Variants in ZNF804B observed in about 807,000 individuals in gnomAD.
ZNF804B encodes zinc finger 804B.
Under a neutral mutation model 101.4 loss-of-function variants are expected in ZNF804B, and 80 were observed. That is an observed-to-expected ratio of 0.79 (90% confidence interval 0.66 to 0.95). ZNF804B has a LOEUF of 0.95. Among genes scored for constraint, ZNF804B ranks in the 40% least tolerant of loss-of-function variants. The probability of loss-of-function intolerance (pLI) is 0.00; values close to 1 mark genes in which losing one functional copy is unlikely to be tolerated. For synonymous variants in ZNF804B, 622 were observed against 558.8 expected, an observed-to-expected ratio of 1.11 and a Z score of -1.59; for missense variants, 1,673 against 1,561.9, an observed-to-expected ratio of 1.07 and a Z score of -1.20.
chr7:89,013,529 G>T (rs528713732), intron 1 of ZNF804B, among the ~76,000 whole-genome samples: 27 of 152,190 alleles, frequency 1.8e-4, no homozygotes, highest in African/African-American at 6.5e-4. Flanking sequence ...CATAATAATT[G>T]TGCATATTTA....
chr7:88,775,776 T>C (rs985230660), intron 1 of ZNF804B, among the ~76,000 whole-genome samples: 1 of 152,218 alleles, frequency 6.6e-6, no homozygotes, highest in African/African-American at 2.4e-5. Flanking sequence ...CACTGAAATA[T>C]GAGCCCTTTC....
intron 2 of ZNF804B, among the ~76,000 whole-genome samples, chr7:89,235,551 G>A (rs1789267566): frequency 6.6e-6 from 1 of 152,144 alleles, no homozygotes. Context: ...AATAACTAAT[G>A]TGTGTTAAAT....
At chr7:89,261,246 GT>G (rs1362878802) in intron 2 of ZNF804B, among the ~76,000 whole-genome samples, 1 of 152,046 alleles carries the variant, frequency 6.6e-6, no homozygotes, top group Admixed American at 6.5e-5. Context: ...GTATGTATAA[GT>G]TTTGATAAAT....
intron 1 of ZNF804B, among the ~76,000 whole-genome samples, chr7:89,204,812 C>T (rs1416889230): frequency 6.6e-6 from 1 of 152,076 alleles, no homozygotes; most frequent in Non-Finnish European, 1.5e-5. Context: ...ATATAGTCTG[C>T]TAATTAGAAA....
intron 1 of ZNF804B, among the ~76,000 whole-genome samples, chr7:89,030,450 T>A (rs1427489823): frequency 6.6e-6 from 1 of 152,166 alleles, no homozygotes; most frequent in Non-Finnish European, 1.5e-5. Context: ...AATTAATATG[T>A]ATGCTTGATC....
chr7:89,019,661 A>G (rs900764817), intron 1 of ZNF804B, among the ~76,000 whole-genome samples: 12 of 151,954 alleles, frequency 7.9e-5, no homozygotes, highest in Non-Finnish European at 1.8e-4. Context: ...GGACCCTCCA[A>G]TGTTAGATAC....
chr7:89,087,533 C>T (rs1265509468), intron 1 of ZNF804B, among the ~76,000 whole-genome samples: 1 of 151,794 alleles, frequency 6.6e-6, no homozygotes, highest in East Asian at 1.9e-4. Context: ...TATGCAAGTG[C>T]TTTGCAAATT....
intron 1 of ZNF804B, among the ~76,000 whole-genome samples, chr7:89,206,108 G>T (rs1584053300): frequency 6.6e-6 from 1 of 152,324 alleles, no homozygotes; most frequent in East Asian, 1.9e-4. Flanking sequence ...TTTAGCCATG[G>T]CTGGAGCAGC....
intron 1 of ZNF804B, among the ~76,000 whole-genome samples, chr7:88,898,893 GT>G (rs1234168559): frequency 6.6e-6 from 1 of 152,092 alleles, no homozygotes; most frequent in Non-Finnish European, 1.5e-5. Context: ...CTCAGCCATT[GT>G]TTCCTAGAAC....
intron 1 of ZNF804B, among the ~76,000 whole-genome samples, chr7:88,978,719 A>G (rs1793653216): frequency 6.6e-6 from 1 of 151,578 alleles, no homozygotes; most frequent in Non-Finnish European, 1.5e-5. Context: ...AATATTAAGT[A>G]AAGACTTACT....
chr7:88,985,822 A>T (rs562564827), intron 1 of ZNF804B, among the ~76,000 whole-genome samples: 1 of 152,224 alleles, frequency 6.6e-6, no homozygotes, highest in South Asian at 2.1e-4. Context: ...CCTGTTGATC[A>T]TTCCTCATTA....
chr7:89,276,020 G>C (rs1310159491), intron 2 of ZNF804B, among the ~76,000 whole-genome samples: 1 of 151,836 alleles, frequency 6.6e-6, no homozygotes, highest in Non-Finnish European at 1.5e-5. Context: ...TCTTTGCAGG[G>C]ACACGAATGG....
intron 2 of ZNF804B, among the ~76,000 whole-genome samples, chr7:89,318,994 G>A (rs1790773535): frequency 6.6e-6 from 1 of 152,108 alleles, no homozygotes; most frequent in Non-Finnish European, 1.5e-5. Flanking sequence ...CGAAGGGATG[G>A]GCCGACTTAA....
In ZNF804B at chr7:88,856,173, A is replaced by T. The variant is rs866429859; in HGVS notation, c.108+96089A>T. On this transcript the variant is annotated intron_variant, in intron 1 of 3. Coordinates refer to ENST00000333190, the MANE Select transcript of ZNF804B (RefSeq NM_181646.5). ...ATTGGTAGCTTGATGGGGGATGGCA[A>T]TGAATCTGTAAATTACCTTGGGCAG... 1.1e-4 allele frequency among the ~76,000 whole-genome samples: 16 copies of T among 152,220 alleles called. 1 individual carries two copies. In the South Asian group the frequency reaches 1.5e-3, roughly 14 times the overall value.
Position 89,076,998 on chromosome 7 carries a change from A to G in ZNF804B, c.109-141157A>G, listed in dbSNP as rs77882136. Among the ~76,000 whole-genome samples the G allele has an allele frequency of 5.4e-3, 821 of 152,294 alleles. 4 individuals are homozygous for G. Among genetic ancestry groups the G allele is most frequent in the Non-Finnish European group, 9.8e-3 (664 of 68,018 alleles). ...AGAATGGCGCTGTCTAATGGCTTCAATATTCGGTGACATAATCTGCAGGGT... is the reference window on the plus strand; with the variant it reads ...AGAATGGCGCTGTCTAATGGCTTCAGTATTCGGTGACATAATCTGCAGGGT... On this transcript the variant is annotated intron_variant, in intron 1 of 3. Transcript: ENST00000333190.
In ZNF804B at chr7:89,334,722, G is replaced by A; in HGVS notation, c.1740G>A (p.Val580=). The A allele has an allele frequency of 6.2e-7, 1 of 1,613,690 alleles. No homozygotes were observed. Among genetic ancestry groups the A allele is most frequent in the African/African-American group, 1.3e-5 (1 of 74,990 alleles). Reference sequence around the variant, plus strand: ...ATTTGGAAATGAAAAATCCTAAAGTGCCTCTTTACCTCAACACATCTCTAA... The same window carrying A: ...ATTTGGAAATGAAAAATCCTAAAGTACCTCTTTACCTCAACACATCTCTAA... ...ANDLEMKNPK[V]PLYLNTSLKD... Residue 580 remains valine (V), a synonymous_variant, in exon 4 of 4, where the codon GTG becomes GTA. Coordinates refer to ENST00000333190, the MANE Select transcript of ZNF804B (RefSeq NM_181646.5).
intron 1 of ZNF804B, among the ~76,000 whole-genome samples, chr7:89,144,187 C>T (rs1449541165): frequency 1.3e-5 from 2 of 152,002 alleles, no homozygotes; most frequent in Admixed American, 1.3e-4. Flanking sequence ...AGATAGATCA[C>T]ATAAACTTAA....
At chr7:89,069,940 C>T (rs1217144263) in intron 1 of ZNF804B, among the ~76,000 whole-genome samples, 1 of 152,130 alleles carries the variant, frequency 6.6e-6, no homozygotes, top group Non-Finnish European at 1.5e-5. Flanking sequence ...AAGATGCCTG[C>T]TACAAACTTA....
chr7:88,889,983 T>C (rs191398065), intron 1 of ZNF804B, among the ~76,000 whole-genome samples: 14 of 152,322 alleles, frequency 9.2e-5, no homozygotes, highest in Non-Finnish European at 2.1e-4. Context: ...AGTTTCATTC[T>C]TCTACATGTG....
Sources: allele counts gnomAD v4.1 joint callset (sites outside exome capture counted in the v4.1 genomes callset), GRCh38; gene constraint gnomAD v4.1.1; transcripts MANE v1.5; gene names NCBI Gene and HGNC (gene_info 2026-07-23, HGNC 2026-07-21).